FHIT: variants seen among roughly 807,000 people sequenced by gnomAD.
FHIT encodes fragile histidine triad diadenosine triphosphatase.
A neutral mutation model predicts 17.9 loss-of-function variants in FHIT; 19 were observed. That is an observed-to-expected ratio of 1.06 (90% CI 0.74 to 1.56). The LOEUF (loss-of-function observed/expected upper bound fraction) is 1.56. Among genes scored for constraint, FHIT ranks in the 40% most tolerant of loss-of-function variants. The pLI is 0.00. For synonymous variants in FHIT, 81 were observed against 69.7 expected (o/e 1.16, Z -0.81); for missense variants, 248 against 189.2 (o/e 1.31, Z -1.82).
At chr3:60,539,466 T>C (rs2036105896) in intron 4 of FHIT, among the ~76,000 whole-genome samples, 1 of 152,200 alleles carries the variant, frequency 6.6e-6, no homozygotes, top group African/African-American at 2.4e-5. Context: ...GGATTATAAA[T>C]CATGCTGCTA....
intron 5 of FHIT, among the ~76,000 whole-genome samples, chr3:60,139,653 G>A (rs1405908897): frequency 6.6e-6 from 1 of 152,098 alleles, no homozygotes; most frequent in Admixed American, 6.5e-5. Flanking sequence ...AGGGAAAGGA[G>A]GGGCTATTCC....
chr3:60,919,698 T>G (rs2107308280), intron 3 of FHIT, among the ~76,000 whole-genome samples: 1 of 152,324 alleles, frequency 6.6e-6, no homozygotes, highest in South Asian at 2.1e-4. Context: ...GGTCTTCGAA[T>G]ACTTTACCTG....
chr3:61,243,780 CA>C (rs1185651115), intron 1 of FHIT, among the ~76,000 whole-genome samples: 1 of 151,916 alleles, frequency 6.6e-6, no homozygotes, highest in Non-Finnish European at 1.5e-5. Flanking sequence ...ACCTGAAATT[CA>C]ATATAAGGAA....
At chr3:60,066,971 G>C (rs1248048376) in intron 5 of FHIT, among the ~76,000 whole-genome samples, 1 of 152,016 alleles carries the variant, frequency 6.6e-6, no homozygotes, top group Non-Finnish European at 1.5e-5. Context: ...TGTGAATACT[G>C]ACACAGCGCT....
chr3:60,734,556 C>A (rs970806985), intron 4 of FHIT, among the ~76,000 whole-genome samples: 1 of 152,172 alleles, frequency 6.6e-6, no homozygotes, highest in South Asian at 2.1e-4. Context: ...CATGGCACCA[C>A]CGGCATCCCG....
intron 5 of FHIT, among the ~76,000 whole-genome samples, chr3:60,384,648 A>G (rs1383465816): frequency 6.6e-6 from 1 of 152,132 alleles, no homozygotes; most frequent in Non-Finnish European, 1.5e-5. Context: ...TCACTCACAT[A>G]AAAACTGCCA....
At chr3:60,553,103 G>A (rs563761115) in intron 4 of FHIT, among the ~76,000 whole-genome samples, 10 of 152,112 alleles carry the variant, frequency 6.6e-5, no homozygotes, top group Admixed American at 5.9e-4. Flanking sequence ...TGCAATGAAT[G>A]GGTAAATAAT....
In FHIT at chr3:59,749,512, A is replaced by G. The variant is rs532697962; in HGVS notation, c.*73T>C. 87 of 125,720 alleles carry G rather than the reference A, an allele frequency of 6.9e-4. No individual in the cohort carries two copies. In the South Asian group the frequency reaches 0.01, roughly 15 times the overall value. The allele number at this position is 125,720 out of a possible 1,614,324, so 7.8% of individuals were successfully genotyped here. On this transcript the variant is annotated 3_prime_UTR_variant, in exon 10 of 10. Coordinates refer to ENST00000492590, the MANE Select transcript of FHIT (RefSeq NM_002012.4). ...TGCTGATTCAGTTCCTCTTGGGGAG[A>G]GGCGGGGGGCGGTCTTCAAACTGGT...
chr3:59,909,405 C>A (rs1413264763), intron 8 of FHIT, among the ~76,000 whole-genome samples: 1 of 151,736 alleles, frequency 6.6e-6, no homozygotes, highest in Non-Finnish European at 1.5e-5. Flanking sequence ...TCTCAGCTCA[C>A]TGCAACCTCC....
intron 4 of FHIT, among the ~76,000 whole-genome samples, chr3:60,758,938 T>C (rs1699541981): frequency 6.6e-6 from 1 of 152,098 alleles, no homozygotes; most frequent in Non-Finnish European, 1.5e-5. Flanking sequence ...TAAAAGGTGA[T>C]AATCTGAGCA....
At chr3:61,057,306 A>G (rs56093124) in intron 2 of FHIT, among the ~76,000 whole-genome samples, 9 of 152,372 alleles carry the variant, frequency 5.9e-5, no homozygotes, top group Admixed American at 2.6e-4. Flanking sequence ...ATGTGGTTCA[A>G]TAATCCAATA....
chr3:60,216,531 G>A (rs564973362), intron 5 of FHIT, among the ~76,000 whole-genome samples: 1 of 152,194 alleles, frequency 6.6e-6, no homozygotes, highest in East Asian at 1.9e-4. Flanking sequence ...TAAAGTTATA[G>A]GCAAAAATGC....
At chr3:60,979,226 G>A (rs2107548691) in intron 3 of FHIT, among the ~76,000 whole-genome samples, 1 of 152,176 alleles carries the variant, frequency 6.6e-6, no homozygotes, top group South Asian at 2.1e-4. Context: ...CTGAAATTGG[G>A]CTCCCTTTGC....
At chr3:60,618,290 G>C (rs1553676782) in intron 4 of FHIT, among the ~76,000 whole-genome samples, 1 of 152,096 alleles carries the variant, frequency 6.6e-6, no homozygotes, top group African/African-American at 2.4e-5. Flanking sequence ...TTTCCAGTTT[G>C]AATTACTCCA....
chr3:61,068,341 A>G (rs9843941), intron 2 of FHIT, among the ~76,000 whole-genome samples: 83,619 of 151,972 alleles, frequency 0.55, 24,048 homozygotes, highest in Non-Finnish European at 0.64. Flanking sequence ...TCAGCTGAAG[A>G]TCATTCTGAA....
intron 5 of FHIT, among the ~76,000 whole-genome samples, chr3:60,441,708 A>ATATATATATATTTGTATT (rs1269008488): frequency 8.2e-5 from 7 of 85,590 alleles, no homozygotes; most frequent in East Asian, 6.9e-4. Context: ...GTATTTATAT[A>ATATATATATATTTGTATT]TATATATATA....
chr3:60,521,866 T>C (rs527446223), intron 5 of FHIT, among the ~76,000 whole-genome samples: 113 of 152,306 alleles, frequency 7.4e-4, no homozygotes, highest in African/African-American at 2.5e-3. Context: ...GAGCTCTTTC[T>C]TCTCCCATGT....
chr3:60,483,053 C>T (rs2033681806), intron 5 of FHIT, among the ~76,000 whole-genome samples: 1 of 152,128 alleles, frequency 6.6e-6, no homozygotes, highest in Admixed American at 6.6e-5. Context: ...ATAAACACCT[C>T]TATGCAAACA....
At chr3:60,841,621 C>T (rs1702726600) in intron 3 of FHIT, among the ~76,000 whole-genome samples, 3 of 152,278 alleles carry the variant, frequency 2.0e-5, no homozygotes, top group South Asian at 2.1e-4. Flanking sequence ...TGGGCTGGGC[C>T]ACCTCTGGCC....
Sources: allele counts gnomAD v4.1 joint callset (sites outside exome capture counted in the v4.1 genomes callset), GRCh38; gene constraint gnomAD v4.1.1; transcripts MANE v1.5; gene names NCBI Gene and HGNC (gene_info 2026-07-23, HGNC 2026-07-21).